Variants in WDPCP observed in about 807,000 individuals in gnomAD.
WDPCP encodes the protein WD repeat containing planar cell polarity effector.
Under a neutral mutation model 93.1 loss-of-function variants are expected in WDPCP, and 71 were observed. That is an observed-to-expected ratio of 0.76 (90% CI 0.63 to 0.93). The LOEUF is 0.93. Among genes scored for constraint, WDPCP ranks in the 40% least tolerant of loss-of-function variants. WDPCP has a pLI of 0.00. For missense variants in WDPCP, 844 were observed against 887.4 expected (o/e 0.95, Z 0.62); for synonymous variants, 315 against 315.0 (o/e 1.00, Z 0.00).
At chr2:63,609,463 T>C (rs1431711043) in intron 3 of WDPCP, among the ~76,000 whole-genome samples, 1 of 152,162 alleles carries the variant, frequency 6.6e-6, no homozygotes, top group Non-Finnish European at 1.5e-5. Context: ...TCTTACTCCT[T>C]CCTGTTGGTT....
chr2:63,717,235 G>T, intron 2 of WDPCP: 1 of 522,262 alleles, frequency 1.9e-6, no homozygotes, highest in Non-Finnish European at 3.8e-6. Context: ...AGACATATTG[G>T]CTGACCTGAT....
intron 15 of WDPCP, among the ~76,000 whole-genome samples, chr2:63,157,660 A>C (rs1243572179): frequency 6.6e-6 from 1 of 152,126 alleles, no homozygotes; most frequent in East Asian, 1.9e-4. Flanking sequence ...TATGTTGTTA[A>C]ACTTATTTGC....
chr2:63,229,596 G>T (rs1243600812), intron 14 of WDPCP: 1 of 151,972 alleles, frequency 6.6e-6, no homozygotes, highest in African/African-American at 2.4e-5. Context: ...AATCCATCTT[G>T]AATTAATTTT....
chr2:63,276,925 A>G (rs531063566), intron 13 of WDPCP, among the ~76,000 whole-genome samples: 2 of 152,320 alleles, frequency 1.3e-5, no homozygotes, highest in East Asian at 1.9e-4. Context: ...GCACATAGTC[A>G]TCAAGTTATC....
chr2:63,498,603 T>G, intron 1 of WDPCP, among the ~76,000 whole-genome samples: 1 of 152,226 alleles, frequency 6.6e-6, no homozygotes, highest in East Asian at 1.9e-4. Flanking sequence ...AATCTCCTTT[T>G]GAAAAATAAA....
chr2:63,694,630 A>T (rs1668938613), intron 2 of WDPCP, among the ~76,000 whole-genome samples: 1 of 152,172 alleles, frequency 6.6e-6, no homozygotes, highest in South Asian at 2.1e-4. Context: ...AATTCCATGT[A>T]CTGATAAAGC....
At chr2:63,563,954 G>C (rs1327827614) in intron 1 of WDPCP, among the ~76,000 whole-genome samples, 1 of 152,138 alleles carries the variant, frequency 6.6e-6, no homozygotes, top group East Asian at 1.9e-4. Context: ...GCAAACTTTT[G>C]AGTATACTAA....
chr2:63,683,191 C>A lies in WDPCP; in HGVS notation n.309-32353G>T, dbSNP rs140186476. ...AGGAGGGAAAAAAGGATGAGAAGAC[C>A]ACAAAACAACCAGAAAACAAATAGC... On this transcript the variant is annotated intron_variant and non_coding_transcript_variant, in intron 2 of 4. Transcript: ENST00000467687. 6.6e-5 allele frequency among the ~76,000 whole-genome samples: 10 copies of A among 152,092 alleles called. No homozygotes were observed. The East Asian group carries it at 1.9e-3, about 29-fold the overall frequency.
chr2:63,567,874 T>G (rs182741995), intron 1 of WDPCP, among the ~76,000 whole-genome samples: 1 of 152,200 alleles, frequency 6.6e-6, no homozygotes, highest in Non-Finnish European at 1.5e-5. Flanking sequence ...TTAAACTCAT[T>G]GAATAAATAA....
At chr2:63,516,089 G>T (rs758179028) in intron 1 of WDPCP, among the ~76,000 whole-genome samples, 6 of 151,588 alleles carry the variant, frequency 4.0e-5, no homozygotes, top group Non-Finnish European at 7.4e-5. Flanking sequence ...GTGGAAAAGT[G>T]ATGTAGCTAT....
chr2:63,329,193 G>T (rs934394201), intron 12 of WDPCP, among the ~76,000 whole-genome samples: 2 of 152,078 alleles, frequency 1.3e-5, no homozygotes, highest in Non-Finnish European at 2.9e-5. Flanking sequence ...AACACATGTT[G>T]TTCCCCCTCC....
Position 63,267,524 on chromosome 2 carries a change from A to AAG in WDPCP, c.1813-8117_1813-8116dup, listed in dbSNP as rs1210163830. Among the ~76,000 whole-genome samples, 3 of 152,208 alleles carry AAG rather than the reference A, an allele frequency of 2.0e-5. No individual in the cohort carries two copies. The East Asian group carries it at 5.8e-4, about 29-fold the overall frequency. On this transcript the variant is annotated intron_variant, in intron 13 of 17. Coordinates refer to ENST00000272321, the MANE Select transcript of WDPCP (RefSeq NM_015910.7). ...TGAAAAAGATTATGGACAGCAAAAGAAGGAAGTAACAGTGAAGAGATAAAC... is the reference window on the plus strand; with the variant it reads ...TGAAAAAGATTATGGACAGCAAAAGAAGAGGAAGTAACAGTGAAGAGATAAAC...
intron 1 of WDPCP, among the ~76,000 whole-genome samples, chr2:63,529,864 C>T (rs1445770397): frequency 6.6e-6 from 1 of 152,092 alleles, no homozygotes; most frequent in Non-Finnish European, 1.5e-5. Flanking sequence ...CTAATTATTG[C>T]CTCAATTTCA....
Position 63,185,690 on chromosome 2 carries a change from A to C in WDPCP, c.1916-10858T>G, listed in dbSNP as rs1036802820. ...ATTTTGTCCTGTATTGTGCAGGTTG[A>C]CCTCCAGGCCAGTCAGTGGCACTTG... is the stretch of plus-strand genomic sequence containing the variant. On this transcript the variant is annotated intron_variant, in intron 14 of 17. Transcript: ENST00000272321. 6.6e-5 allele frequency among the ~76,000 whole-genome samples: 10 copies of C among 152,072 alleles called. No homozygotes were observed. The South Asian group carries it at 8.3e-4, about 13-fold the overall frequency.
intron 6 of WDPCP, among the ~76,000 whole-genome samples, chr2:63,449,328 T>G (rs1393936758): frequency 6.6e-6 from 1 of 152,136 alleles, no homozygotes; most frequent in Non-Finnish European, 1.5e-5. Flanking sequence ...TGTCAAGAAG[T>G]ACATGAAATG....
intron 6 of WDPCP, among the ~76,000 whole-genome samples, chr2:63,462,907 G>A (rs1699114366): frequency 6.6e-6 from 1 of 152,140 alleles, no homozygotes; most frequent in South Asian, 2.1e-4. Context: ...TACTGTCTGA[G>A]CTATCTTTGA....
intron 14 of WDPCP, among the ~76,000 whole-genome samples, chr2:63,245,595 T>C (rs1680209666): frequency 6.6e-6 from 1 of 152,104 alleles, no homozygotes; most frequent in Admixed American, 6.6e-5. Flanking sequence ...AAAATGAAGA[T>C]TTTGATCATG....
chr2:63,136,234 A>G (rs1043366625), intron 17 of WDPCP, among the ~76,000 whole-genome samples: 2 of 152,216 alleles, frequency 1.3e-5, no homozygotes, highest in African/African-American at 4.8e-5. Context: ...ATTAAAGTTT[A>G]TAATCTCATG....
chr2:63,655,185 G>A (rs1710152540), intron 2 of WDPCP, among the ~76,000 whole-genome samples: 1 of 152,192 alleles, frequency 6.6e-6, no homozygotes, highest in Non-Finnish European at 1.5e-5. Flanking sequence ...CAAAGAAAGT[G>A]TGGCTCATAA....
Sources: gnomAD v4.1 joint callset for allele counts (sites outside exome capture counted in the v4.1 genomes callset) on GRCh38, gnomAD v4.1.1 for gene constraint, MANE v1.5 for transcripts, NCBI Gene and HGNC (gene_info 2026-07-23, HGNC 2026-07-21) for gene names.